SMYD2: variants seen among roughly 807,000 people sequenced by gnomAD.
The protein encoded by SMYD2 is SET and MYND domain containing 2.
A neutral mutation model predicts 59.1 loss-of-function variants in SMYD2; 53 were observed. The observed-to-expected ratio is 0.90, with a 90% CI of 0.72 to 1.13. The LOEUF is 1.13. Ranked by LOEUF, SMYD2 falls within the 50% of genes most tolerant of loss-of-function variation. SMYD2 has a pLI of 0.00. For missense variants in SMYD2, 494 were observed against 544.7 expected (o/e 0.91, Z 0.93); for synonymous variants, 208 against 198.8 (o/e 1.05, Z -0.39).
At chr1:214,293,011 TTGTGTGTGTGTGTGTG>T (rs58012666) in intron 1 of SMYD2, among the ~76,000 whole-genome samples, 5,191 of 137,394 alleles carry the variant, frequency 0.038, 178 homozygotes, top group African/African-American at 0.087. Context: ...CTTTTTCTGT[TTGTGTGTGTGTGTGTG>T]TGTGTGTGTG....
At chr1:214,316,279 T>G (rs1011046875) in intron 3 of SMYD2, among the ~76,000 whole-genome samples, 49 of 152,208 alleles carry the variant, frequency 3.2e-4, no homozygotes, top group African/African-American at 1.2e-3. Context: ...GAGACCAGCC[T>G]TGGCAACAAA....
chr1:214,336,031 C>T (rs752275706), intron 11 of SMYD2, among the ~76,000 whole-genome samples: 6 of 152,104 alleles, frequency 3.9e-5, no homozygotes, highest in Non-Finnish European at 5.9e-5. Flanking sequence ...ATGGACTTTA[C>T]CAGCATCACC....
chr1:214,303,728 C>T (rs1243379017), intron 1 of SMYD2, among the ~76,000 whole-genome samples: 1 of 152,170 alleles, frequency 6.6e-6, no homozygotes, highest in Non-Finnish European at 1.5e-5. Flanking sequence ...GACGAGAAGC[C>T]GCGGAGGATT....
rs529905067 is a variant in SMYD2, at chr1:214,334,500, T to C, written c.1221+192T>C. On this transcript the variant is annotated intron_variant, in intron 11 of 11. Coordinates refer to ENST00000366957, the MANE Select transcript of SMYD2 (RefSeq NM_020197.3). ...AGTGAGAGAGTGCACCTCTGCTGTGTTTGTGTCCAGGCCTCCCTCAAAGGG... is the reference window on the plus strand; with the variant it reads ...AGTGAGAGAGTGCACCTCTGCTGTGCTTGTGTCCAGGCCTCCCTCAAAGGG... Among the ~76,000 whole-genome samples the C allele has an allele frequency of 1.1e-4, 16 of 152,170 alleles. No individual in the cohort carries two copies. The East Asian group carries it at 2.9e-3, about 28-fold the overall frequency.
At chr1:214,327,800 G>C (rs1227363224) in intron 7 of SMYD2, 76 bp downstream of exon 7, 40 of 1,248,124 alleles carry the variant, frequency 3.2e-5, no homozygotes, top group Non-Finnish European at 4.5e-5. Context: ...ACAGATCTGT[G>C]CAGTGTCACT....
Position 214,336,874 on chromosome 1 carries a change from A to G in SMYD2, c.*90A>G. On this transcript the variant is annotated 3_prime_UTR_variant, in exon 12 of 12. Coordinates refer to ENST00000366957, the MANE Select transcript of SMYD2 (RefSeq NM_020197.3). The stretch of plus-strand genomic sequence containing the variant: ...TTCAAATTGCACACGTCACTCCAGC[A>G]TCTCTGTAAAATAATTGGAATGAAA... 9.0e-7 allele frequency: 1 copy of G among 1,106,824 alleles called. No homozygotes were observed. Among genetic ancestry groups the G allele is most frequent in the South Asian group, 1.5e-5 (1 of 68,144 alleles). The allele number at this position is 1,106,824 out of a possible 1,614,324, so 68.6% of individuals were successfully genotyped here. A position where few individuals can be genotyped will look rare whatever the true frequency, so the allele number is the denominator to read the frequency against.
At chr1:214,305,100 C>A in intron 1 of SMYD2, 87 bp from the exon 2 acceptor site, 2 of 1,287,038 alleles carry the variant, frequency 1.6e-6, no homozygotes, top group Non-Finnish European at 2.3e-6. Flanking sequence ...TGCTTTCCAA[C>A]CAAGTGGCTT....
Position 214,336,755 on chromosome 1 carries a change from G to A in SMYD2, c.1273G>A (p.Glu425Lys), listed in dbSNP as rs370098014. The A allele has an allele frequency of 2.7e-5, 44 of 1,613,538 alleles. No individual in the cohort carries two copies. Among genetic ancestry groups the A allele is most frequent in the Non-Finnish European group, 3.6e-5 (43 of 1,179,924 alleles). The change falls in exon 12 of 12, where the codon GAG becomes AAG. Residue 425 changes from glutamate (E) to lysine (K), a missense_variant. By Grantham distance (56) the Glu-to-Lys change is moderately conservative. Transcript: ENST00000366957. ...AHGKDHPYISEIKQEIESH is the reference protein window; with the variant it reads ...AHGKDHPYISKIKQEIESH ...CGGCAAAGATCATCCATATATTTCT[G>A]AGATCAAACAGGAAATTGAAAGCCA...
chr1:214,325,830 G>A (rs1284289494), intron 6 of SMYD2, among the ~76,000 whole-genome samples: 2 of 140,720 alleles, frequency 1.4e-5, no homozygotes, highest in Non-Finnish European at 1.5e-5. Flanking sequence ...AGGAGAAAAA[G>A]AGGGCATTGG....
chr1:214,327,015 T>C (rs1260654557), intron 6 of SMYD2, among the ~76,000 whole-genome samples: 5 of 152,272 alleles, frequency 3.3e-5, no homozygotes, highest in Non-Finnish European at 5.9e-5. Context: ...GCACCTCGCA[T>C]AGGCGAATCT....
At chr1:214,293,654 C>T (rs1466864523) in intron 1 of SMYD2, among the ~76,000 whole-genome samples, 3 of 152,138 alleles carry the variant, frequency 2.0e-5, no homozygotes, top group Non-Finnish European at 2.9e-5. Context: ...TTACCACTCT[C>T]ATGTAGGCAG....
intron 1 of SMYD2, among the ~76,000 whole-genome samples, chr1:214,302,503 C>G (rs564200590): frequency 6.6e-6 from 1 of 152,260 alleles, no homozygotes; most frequent in African/African-American, 2.4e-5. Flanking sequence ...TGTCTCTCAC[C>G]AACTCCCTGA....
intron 10 of SMYD2, chr1:214,333,498 TACACACATGTAAACAC>T (rs1182831870): frequency 1.3e-5 from 2 of 152,270 alleles, no homozygotes; most frequent in Non-Finnish European, 2.9e-5. Context: ...AAACACCTCT[TACACACATGTAAACAC>T]ACACACTGGC....
chr1:214,319,051 G>A, intron 5 of SMYD2, 68 bp downstream of exon 5: 15 of 1,566,054 alleles, frequency 9.6e-6, no homozygotes, highest in Non-Finnish European at 1.2e-5. Flanking sequence ...TCCCTAGCAA[G>A]CACTCAGTGA....
At chr1:214,335,968 G>A (rs1657429254) in intron 11 of SMYD2, among the ~76,000 whole-genome samples, 1 of 152,194 alleles carries the variant, frequency 6.6e-6, no homozygotes, top group East Asian at 1.9e-4. Flanking sequence ...GCTACGTCTT[G>A]CAGGTTAGTA....
intron 1 of SMYD2, among the ~76,000 whole-genome samples, chr1:214,282,999 C>T (rs561872003): frequency 2.6e-5 from 4 of 152,282 alleles, no homozygotes; most frequent in Admixed American, 2.6e-4. Context: ...GGGATCCTGG[C>T]AATTCCTGGA....
chr1:214,309,527 A>G (rs539618564), intron 2 of SMYD2, among the ~76,000 whole-genome samples: 1 of 152,318 alleles, frequency 6.6e-6, no homozygotes, highest in South Asian at 2.1e-4. Flanking sequence ...TGAGGGGGTT[A>G]TGAGTAAGCT....
chr1:214,293,126 C>T (rs911089049), intron 1 of SMYD2, among the ~76,000 whole-genome samples: 7 of 151,996 alleles, frequency 4.6e-5, no homozygotes, highest in Non-Finnish European at 7.4e-5. Context: ...GATCTCTGCT[C>T]ATTGCAACCT....
At chr1:214,320,624 T>A (rs1049681672) in intron 5 of SMYD2, among the ~76,000 whole-genome samples, 1 of 152,176 alleles carries the variant, frequency 6.6e-6, no homozygotes, top group Non-Finnish European at 1.5e-5. Flanking sequence ...AGACCCTGTC[T>A]ATAAAGAAAA....
Sources: allele counts gnomAD v4.1 joint callset (sites outside exome capture counted in the v4.1 genomes callset), GRCh38; gene constraint gnomAD v4.1.1; transcripts MANE v1.5; gene names NCBI Gene and HGNC (gene_info 2026-07-23, HGNC 2026-07-21).